The following SIDT1 variants were observed in gnomAD, a reference collection of about 807,000 sequenced individuals.
SIDT1 encodes the protein SID1 transmembrane family member 1, also known as SID1 transmembrane family, member 1.
In SIDT1, 101 loss-of-function variants were observed where a neutral mutation model predicts 107.5. That is an observed-to-expected ratio of 0.94 (90% CI 0.80 to 1.11). The LOEUF (loss-of-function observed/expected upper bound fraction) is 1.11, where lower values mean the gene tolerates loss of function less well. SIDT1 is among the 50% of genes least tolerant of loss of function. SIDT1 has a pLI of 0.00. For missense variants in SIDT1, 1,076 were observed against 1,058.2 expected, an observed-to-expected ratio of 1.02 and a Z score of -0.23; for synonymous variants, 395 against 398.2, an observed-to-expected ratio of 0.99 and a Z score of 0.10.
chr3:113,614,821 G>T (rs1361010893), intron 19 of SIDT1, among the ~76,000 whole-genome samples: 2 of 152,172 alleles, frequency 1.3e-5, no homozygotes, highest in African/African-American at 4.8e-5. Flanking sequence ...CACAAAAGTA[G>T]ACAGAGAGAG....
intron 19 of SIDT1, among the ~76,000 whole-genome samples, chr3:113,614,026 T>C (rs142236865): frequency 4.3e-4 from 66 of 152,272 alleles, no homozygotes; most frequent in African/African-American, 1.5e-3. Context: ...AAACTTGGGG[T>C]TAGCAGCAGT....
intron 21 of SIDT1, among the ~76,000 whole-genome samples, chr3:113,621,108 A>G (rs912032796): frequency 2.0e-5 from 3 of 152,220 alleles, no homozygotes; most frequent in Admixed American, 1.3e-4. Context: ...TTACTTTCGT[A>G]TGGTCCTGAG....
At chr3:113,571,455 A>G (rs184257176) in intron 3 of SIDT1, among the ~76,000 whole-genome samples, 241 of 146,762 alleles carry the variant, frequency 1.6e-3, no homozygotes, top group Non-Finnish European at 2.2e-3. Context: ...TCTACTTTAA[A>G]GCATTGCTTG....
intron 1 of SIDT1, among the ~76,000 whole-genome samples, chr3:113,553,026 A>T (rs1301464109): frequency 6.6e-6 from 1 of 152,160 alleles, no homozygotes; most frequent in Non-Finnish European, 1.5e-5. Flanking sequence ...AGGAACCAAG[A>T]TGTGACAGGG....
intron 11 of SIDT1, chr3:113,601,947 GC>G (rs1944987272): frequency 3.2e-6 from 1 of 313,440 alleles, no homozygotes; most frequent in African/African-American, 2.2e-5. Context: ...TTCATATCCA[GC>G]CCGGGTTTAG....
chr3:113,580,151 A>C (rs749887502), intron 4 of SIDT1, among the ~76,000 whole-genome samples: 1 of 152,178 alleles, frequency 6.6e-6, no homozygotes, highest in Non-Finnish European at 1.5e-5. Flanking sequence ...ATTCTTGCCT[A>C]TGGGAAGGTG....
In SIDT1 at chr3:113,539,952, C is replaced by T. The variant is rs571038520; in HGVS notation, c.222+6709C>T. 1.8e-3 allele frequency among the ~76,000 whole-genome samples: 276 copies of T among 150,190 alleles called. 1 individual carries two copies. Among genetic ancestry groups the T allele is most frequent in the Middle Eastern group, 3.4e-3 (1 of 292 alleles). On this transcript the variant is annotated intron_variant, in intron 1 of 24. Transcript: ENST00000264852. ...CTGGGAGGCGGAGGCTGCAGTGAGC[C>T]GAGATCACGCCACTGCACTCCAGCC...
At chr3:113,629,779 T>C (rs116713616), downstream of SIDT1, among the ~76,000 whole-genome samples, 3,476 of 152,180 alleles carry the variant, frequency 0.023, 124 homozygotes, top group African/African-American at 0.08. Flanking sequence ...GAGGAAAGGG[T>C]GGACTGTGCT....
chr3:113,570,474 A>C (rs1436082110), intron 3 of SIDT1, among the ~76,000 whole-genome samples: 1 of 152,224 alleles, frequency 6.6e-6, no homozygotes, highest in East Asian at 1.9e-4. Flanking sequence ...ACCTTTTGAG[A>C]ACTGAATTCT....
chr3:113,578,629 C>A lies in SIDT1; in HGVS notation c.561+1662C>A, dbSNP rs79252482. Reference sequence around the variant, plus strand: ...TTGGGAGGCTGAGGCAGAAGTATTGCTTGAGGCCAAGAGTTCAAGACCAGC... The same window carrying A: ...TTGGGAGGCTGAGGCAGAAGTATTGATTGAGGCCAAGAGTTCAAGACCAGC... On this transcript the variant is annotated intron_variant, in intron 4 of 24. Transcript: ENST00000264852. Among the ~76,000 whole-genome samples, 286 of 152,200 alleles carry A rather than the reference C, an allele frequency of 1.9e-3. 6 individuals carry two copies. In the East Asian group the frequency reaches 0.051, roughly 27 times the overall value.
At chr3:113,561,268 A>C (rs561721197) in intron 1 of SIDT1, among the ~76,000 whole-genome samples, 2 of 152,304 alleles carry the variant, frequency 1.3e-5, no homozygotes, top group African/African-American at 4.8e-5. Flanking sequence ...GGGGTAATCC[A>C]CTATCTGTTC....
rs181548586 is a variant in SIDT1, at chr3:113,554,766, C to T, written c.223-11654C>T. 1.8e-4 allele frequency among the ~76,000 whole-genome samples: 27 copies of T among 152,164 alleles called. No individual in the cohort carries two copies. In the East Asian group the frequency reaches 1.9e-3, roughly 11 times the overall value. ...TTAGCTAGAGGTAGAACCCCTTTCG[C>T]GACAGAAGATCAACACCAAGCACTT... On this transcript the variant is annotated intron_variant, in intron 1 of 24. Coordinates refer to ENST00000264852, the MANE Select transcript of SIDT1 (RefSeq NM_017699.3).
intron 17 of SIDT1, among the ~76,000 whole-genome samples, chr3:113,608,891 A>G (rs760376130): frequency 2.6e-5 from 4 of 152,220 alleles, no homozygotes; most frequent in Admixed American, 6.5e-5. Flanking sequence ...CTGGTGGCAA[A>G]AGTAACTATA....
chr3:113,607,513 A>C (rs1373733388), intron 15 of SIDT1, among the ~76,000 whole-genome samples: 2 of 152,256 alleles, frequency 1.3e-5, no homozygotes, highest in Non-Finnish European at 2.9e-5. Context: ...TCAGCTGCTA[A>C]GTAGTGCAGG....
chr3:113,553,198 C>T (rs1253790895), intron 1 of SIDT1, among the ~76,000 whole-genome samples: 2 of 152,140 alleles, frequency 1.3e-5, no homozygotes, highest in Non-Finnish European at 2.9e-5. Context: ...TCCCTGAAGT[C>T]CCTTCTGCTT....
intron 1 of SIDT1, among the ~76,000 whole-genome samples, chr3:113,556,821 C>CTTTTTT (rs61672960): frequency 0.16 from 16,780 of 107,458 alleles, 2,009 homozygotes; most frequent in Non-Finnish European, 0.17. Context: ...GTTTCTTTTT[C>CTTTTTT]TTTTTTTTTT....
chr3:113,540,694 C>T lies in SIDT1; in HGVS notation c.222+7451C>T, dbSNP rs565781644. Among the ~76,000 whole-genome samples, 10 of 152,246 alleles carry T rather than the reference C, an allele frequency of 6.6e-5. No individual in the cohort carries two copies. In the South Asian group the frequency reaches 2.1e-3, roughly 32 times the overall value. ...TTCAAAGCATAGCTTCTGTCCTTGT[C>T]TTCTGTACCCCCTTCCCTCTCTTCC... On this transcript the variant is annotated intron_variant, in intron 1 of 24. Transcript: ENST00000264852.
chr3:113,556,320 G>GTACT (rs949229369), intron 1 of SIDT1, among the ~76,000 whole-genome samples: 3 of 152,138 alleles, frequency 2.0e-5, no homozygotes, highest in African/African-American at 4.8e-5. Context: ...AACTTGTGAT[G>GTACT]GAAGTAGCTC....
chr3:113,566,119 C>T (rs1281401188), intron 1 of SIDT1, among the ~76,000 whole-genome samples: 1 of 152,124 alleles, frequency 6.6e-6, no homozygotes, highest in Admixed American at 6.6e-5. Flanking sequence ...CTAAAATTAA[C>T]TGAATCAGAA....
Sources: gnomAD v4.1 joint callset for allele counts (sites outside exome capture counted in the v4.1 genomes callset) on GRCh38, gnomAD v4.1.1 for gene constraint, MANE v1.5 for transcripts, NCBI Gene and HGNC (gene_info 2026-07-23, HGNC 2026-07-21) for gene names.